The following FBN2 variants were observed in gnomAD, a reference collection of about 807,000 sequenced individuals.
The protein encoded by FBN2 is fibrillin 2.
A neutral mutation model predicts 355.6 loss-of-function variants in FBN2; 105 were observed. The observed-to-expected ratio is 0.30, with a 90% CI of 0.25 to 0.35. The LOEUF (loss-of-function observed/expected upper bound fraction) is 0.35. Ranked by LOEUF, FBN2 falls within the 10% of genes least tolerant of loss-of-function variation. The pLI is 1.00. For missense variants in FBN2, 3,280 were observed against 3,758.7 expected, an observed-to-expected ratio of 0.87 and a Z score of 3.33; for synonymous variants, 1,350 against 1,301.2, an observed-to-expected ratio of 1.04 and a Z score of -0.81.
intron 44 of FBN2, among the ~76,000 whole-genome samples, 179 bp downstream of exon 44, chr5:128,305,332 C>G (rs1749838340): frequency 1.3e-5 from 2 of 152,136 alleles, no homozygotes; most frequent in South Asian, 4.2e-4. Flanking sequence ...CTGGGGAAAT[C>G]CATTGAAGAG....
At chr5:128,519,249 G>A (rs756217429) in intron 5 of FBN2, 24 bp downstream of exon 5, 1 of 1,511,048 alleles carries the variant, frequency 6.6e-7, no homozygotes, top group African/African-American at 1.4e-5. Flanking sequence ...TCTTCAGAAA[G>A]TAAAGTCTCA....
chr5:128,284,051 C>A (rs771937543), intron 55 of FBN2, among the ~76,000 whole-genome samples: 2 of 152,140 alleles, frequency 1.3e-5, no homozygotes, highest in African/African-American at 4.8e-5. Context: ...AGACAGTCAC[C>A]TAAATGAAAC....
intron 6 of FBN2, among the ~76,000 whole-genome samples, chr5:128,461,517 T>G (rs1333327714): frequency 6.6e-6 from 1 of 152,174 alleles, no homozygotes; most frequent in Non-Finnish European, 1.5e-5. Flanking sequence ...ACCCAATGAA[T>G]TATAAATCAC....
At chr5:128,350,120 G>A in intron 21 of FBN2, 115 bp from the exon 22 acceptor site, 1 of 847,224 alleles carries the variant, frequency 1.2e-6, no homozygotes, top group Non-Finnish European at 2.0e-6. Context: ...TGCAAGGCAG[G>A]GTCTTAGGGT....
intron 5 of FBN2, among the ~76,000 whole-genome samples, chr5:128,468,088 G>T (rs1754761351): frequency 6.6e-6 from 1 of 152,118 alleles, no homozygotes; most frequent in Admixed American, 6.5e-5. Flanking sequence ...CACCCAAAAA[G>T]AACTTGTGTC....
At chr5:128,537,307 C>T (rs939114043) in intron 1 of FBN2, 43 bp downstream of exon 1, 2 of 1,605,028 alleles carry the variant, frequency 1.2e-6, no homozygotes, top group African/African-American at 1.3e-5. Context: ...TTCCCCCCTC[C>T]CCCAAGCCGG....
chr5:128,288,890 T>C (rs1749236778), intron 52 of FBN2, among the ~76,000 whole-genome samples: 2 of 152,226 alleles, frequency 1.3e-5, no homozygotes, highest in African/African-American at 2.4e-5. Context: ...ATTGTAAGTC[T>C]CTAGGACACA....
At chr5:128,320,390 G>T (rs1750337269) in intron 34 of FBN2, among the ~76,000 whole-genome samples, 1 of 151,918 alleles carries the variant, frequency 6.6e-6, no homozygotes, top group African/African-American at 2.4e-5. Context: ...AATTTAAAAA[G>T]GTTTGCAGAG....
chr5:128,472,705 C>T lies in FBN2; in HGVS notation c.629-7784G>A, dbSNP rs1291950328. ...ACTCGGGAGGCTGAGGCAGGAGAAT[C>T]GCTAGAACCCGGGAGGGGGAGGTTG... On this transcript the variant is annotated intron_variant, in intron 5 of 64. Transcript: ENST00000262464. 2.6e-5 allele frequency among the ~76,000 whole-genome samples: 4 copies of T among 151,556 alleles called. No homozygotes were observed. The South Asian group carries it at 6.3e-4, about 24-fold the overall frequency.
chr5:128,390,014 T>C (rs1752468412), intron 11 of FBN2, among the ~76,000 whole-genome samples: 1 of 152,198 alleles, frequency 6.6e-6, no homozygotes. Flanking sequence ...ATGGAGTTTT[T>C]TTTTTAACTC....
At chr5:128,411,750 T>C (rs1056859078) in intron 7 of FBN2, among the ~76,000 whole-genome samples, 1 of 152,194 alleles carries the variant, frequency 6.6e-6, no homozygotes, top group Non-Finnish European at 1.5e-5. Context: ...AGGTCCAGGC[T>C]TGAGGGTGGA....
chr5:128,278,243 C>A (rs1029239694), intron 57 of FBN2, among the ~76,000 whole-genome samples: 1 of 152,110 alleles, frequency 6.6e-6, no homozygotes, highest in South Asian at 2.1e-4. Flanking sequence ...TTTAAGACTA[C>A]CCATTTTGCA....
At chr5:128,379,510 T>C (rs561186921) in intron 11 of FBN2, among the ~76,000 whole-genome samples, 7 of 152,232 alleles carry the variant, frequency 4.6e-5, no homozygotes, top group Non-Finnish European at 7.4e-5. Context: ...CAAGTTTCTT[T>C]AGGATCTTAA....
intron 26 of FBN2, among the ~76,000 whole-genome samples, chr5:128,338,529 G>A (rs114784809): frequency 0.013 from 1,942 of 152,224 alleles, 11 homozygotes; most frequent in Non-Finnish European, 0.021. Flanking sequence ...AAATTAAACA[G>A]TGGGCTAAAA....
At chr5:128,308,979 G>A (rs1021079520) in intron 41 of FBN2, among the ~76,000 whole-genome samples, 1 of 152,176 alleles carries the variant, frequency 6.6e-6, no homozygotes, top group African/African-American at 2.4e-5. Context: ...TTAAGATAAT[G>A]AGTTTAAATG....
At chr5:128,294,143 CA>C (rs1403699463) in intron 48 of FBN2, among the ~76,000 whole-genome samples, 1 of 152,056 alleles carries the variant, frequency 6.6e-6, no homozygotes, top group African/African-American at 2.4e-5. Flanking sequence ...CAATTTCATC[CA>C]TGTCCTTACA....
intron 5 of FBN2, among the ~76,000 whole-genome samples, chr5:128,477,993 G>A (rs1280010248): frequency 1.3e-5 from 2 of 152,092 alleles, no homozygotes; most frequent in African/African-American, 2.4e-5. Flanking sequence ...ATAGAACCAC[G>A]ACATCTGAGA....
intron 11 of FBN2, among the ~76,000 whole-genome samples, chr5:128,389,569 G>A (rs1012055330): frequency 6.6e-6 from 1 of 152,194 alleles, no homozygotes; most frequent in African/African-American, 2.4e-5. Context: ...CAAGGCCAAA[G>A]CCCCCTAAAG....
intron 5 of FBN2, among the ~76,000 whole-genome samples, chr5:128,500,669 C>A (rs977979522): frequency 6.6e-6 from 1 of 151,852 alleles, no homozygotes; most frequent in Non-Finnish European, 1.5e-5. Flanking sequence ...TGGTCTCGAT[C>A]TCCTGACCTC....
Sources: gnomAD v4.1 joint callset for allele counts (sites outside exome capture counted in the v4.1 genomes callset) on GRCh38, gnomAD v4.1.1 for gene constraint, MANE v1.5 for transcripts, NCBI Gene and HGNC (gene_info 2026-07-23, HGNC 2026-07-21) for gene names.